Variants in BICDL1 observed in about 807,000 individuals in gnomAD.
BICDL1 encodes the protein BICD family like cargo adaptor 1, also known as BICD family-like cargo adapter 1.
Under a neutral mutation model 76.8 loss-of-function variants are expected in BICDL1, and 20 were observed. That is an observed-to-expected ratio of 0.26 (90% CI 0.18 to 0.38). The LOEUF (loss-of-function observed/expected upper bound fraction) is 0.38, where lower values mean the gene tolerates loss of function less well. BICDL1 is among the 10% of genes least tolerant of loss of function. The pLI is 1.00. For synonymous variants in BICDL1, 383 were observed against 337.1 expected, an observed-to-expected ratio of 1.14 and a Z score of -1.49; for missense variants, 700 against 798.6, an observed-to-expected ratio of 0.88 and a Z score of 1.49.
chr12:120,045,680 G>A (rs1179702332), intron 2 of BICDL1, among the ~76,000 whole-genome samples: 4 of 148,998 alleles, frequency 2.7e-5, no homozygotes, highest in Admixed American at 6.8e-5. Context: ...CAAAAAACCA[G>A]ACACCGCATA....
intron 2 of BICDL1, among the ~76,000 whole-genome samples, chr12:120,049,078 A>G (rs1473769438): frequency 2.0e-5 from 3 of 152,220 alleles, no homozygotes; most frequent in Non-Finnish European, 4.4e-5. Flanking sequence ...AAGGACTCAT[A>G]AGAAGATAAC....
intron 2 of BICDL1, among the ~76,000 whole-genome samples, chr12:120,044,658 T>C (rs2138823663): frequency 6.6e-6 from 1 of 152,348 alleles, no homozygotes; most frequent in Admixed American, 6.5e-5. Flanking sequence ...ATTTATTAAA[T>C]AGGGAATCCT....
chr12:120,007,698 G>T (rs1257527013), intron 2 of BICDL1, among the ~76,000 whole-genome samples: 2 of 152,158 alleles, frequency 1.3e-5, no homozygotes, highest in African/African-American at 4.8e-5. Context: ...ACAGATCCTT[G>T]TTCTTTAAAC....
At chr12:120,089,034 T>C (rs1434358830) in intron 8 of BICDL1, among the ~76,000 whole-genome samples, 3 of 152,122 alleles carry the variant, frequency 2.0e-5, no homozygotes, top group Non-Finnish European at 4.4e-5. Flanking sequence ...TCTGACTAGC[T>C]AAGCTATAGT....
intron 2 of BICDL1, among the ~76,000 whole-genome samples, chr12:120,035,186 AT>A (rs1206670828): frequency 6.6e-6 from 1 of 152,138 alleles, no homozygotes; most frequent in East Asian, 1.9e-4. Context: ...AAATACAAAA[AT>A]TAGCCGGGTG....
Position 120,016,769 on chromosome 12 carries a change from T to A in BICDL1, c.645+18033T>A, listed in dbSNP as rs1457550734. ...CCAAACTTATTTTCAAAGAAGCTTG[T>A]ACCAGTTTATATTCCTACCAACAAT... On this transcript the variant is annotated intron_variant, in intron 2 of 9. Coordinates refer to ENST00000548673, the MANE Select transcript of BICDL1 (RefSeq NM_001367886.1). 2.6e-5 allele frequency among the ~76,000 whole-genome samples: 4 copies of A among 152,016 alleles called. No individual in the cohort carries two copies. The East Asian group carries it at 7.7e-4, about 29-fold the overall frequency.
intron 2 of BICDL1, among the ~76,000 whole-genome samples, chr12:120,042,746 A>G (rs1394793641): frequency 2.6e-5 from 4 of 151,420 alleles, no homozygotes; most frequent in Non-Finnish European, 5.9e-5. Context: ...CGAAGGTTGC[A>G]GTGAGCCGAG....
chr12:120,091,519 G>A, intron 9 of BICDL1: 1 of 983,226 alleles, frequency 1.0e-6, no homozygotes, highest in Non-Finnish European at 1.2e-6. Context: ...TTATAAGGAG[G>A]GACCGTGTGT....
At chr12:119,994,114 A>G (rs1951586023) in intron 1 of BICDL1, among the ~76,000 whole-genome samples, 1 of 151,942 alleles carries the variant, frequency 6.6e-6, no homozygotes, top group Non-Finnish European at 1.5e-5. Flanking sequence ...CCTTTTTTCC[A>G]TCATGGCTGA....
intron 2 of BICDL1, among the ~76,000 whole-genome samples, chr12:120,026,620 A>G (rs1256024858): frequency 6.6e-6 from 1 of 152,220 alleles, no homozygotes; most frequent in Non-Finnish European, 1.5e-5. Flanking sequence ...TACACTAATG[A>G]TGGAGGCAAA....
At position 120,068,052 on chromosome 12, in the gene BICDL1, C is replaced by T. The variant is rs376721260; in HGVS notation, c.909+3173C>T. Among the ~76,000 whole-genome samples the T allele has an allele frequency of 5.3e-5, 8 of 152,302 alleles. No individual in the cohort carries two copies. The South Asian group carries it at 1.2e-3, about 24-fold the overall frequency. ...CACTGGTGCCATTAGCCAATCATTT[C>T]GAAGTACTGACGGTGAAGGTGAGGC... On this transcript the variant is annotated intron_variant, in intron 4 of 9. Coordinates refer to ENST00000548673, the MANE Select transcript of BICDL1 (RefSeq NM_001367886.1).
At chr12:120,077,414 G>A (rs1283346561) in intron 7 of BICDL1, among the ~76,000 whole-genome samples, 1 of 152,082 alleles carries the variant, frequency 6.6e-6, no homozygotes, top group Non-Finnish European at 1.5e-5. Flanking sequence ...TCTGGTGTGT[G>A]TGGAGCAGCT....
intron 2 of BICDL1, among the ~76,000 whole-genome samples, chr12:120,027,153 C>T (rs7964301): frequency 0.086 from 12,935 of 151,000 alleles, 662 homozygotes; most frequent in African/African-American, 0.14. Flanking sequence ...GCCTCAGCCT[C>T]CCGAGTAGCT....
intron 2 of BICDL1, among the ~76,000 whole-genome samples, chr12:120,025,950 G>A (rs956206806): frequency 1.3e-5 from 2 of 152,010 alleles, no homozygotes; most frequent in African/African-American, 2.4e-5. Context: ...TGATTCTGCT[G>A]CCTCAGCCTC....
chr12:120,054,182 C>T (rs924108070), intron 2 of BICDL1, among the ~76,000 whole-genome samples: 4 of 151,892 alleles, frequency 2.6e-5, no homozygotes, highest in Non-Finnish European at 5.9e-5. Flanking sequence ...AAGCTATTCT[C>T]CTGCCTCAGC....
intron 7 of BICDL1, among the ~76,000 whole-genome samples, chr12:120,075,911 C>T (rs899867470): frequency 3.3e-5 from 5 of 152,230 alleles, no homozygotes; most frequent in Non-Finnish European, 1.5e-5. Flanking sequence ...GTAATCCCAG[C>T]CCTTTGGGAG....
In BICDL1 at chr12:120,093,429, G is replaced by A. The variant is rs2139037896; in HGVS notation, c.*268G>A. On this transcript the variant is annotated 3_prime_UTR_variant, in exon 10 of 10. Transcript: ENST00000548673. ...CTCCAGGACCACGTGCTTGAGCAGG[G>A]TTAGGCCACCTCCCAGAGGGGCCCC... is the stretch of plus-strand genomic sequence containing the variant. 2.1e-6 allele frequency: 1 copy of A among 473,194 alleles called. No homozygotes were observed. The highest frequency in any genetic ancestry group is 3.6e-5 in the Admixed American group (1 of 27,862). 29.3% of individuals were successfully genotyped at this position (473,194 alleles called of 1,614,324 possible). A position where few individuals can be genotyped will look rare whatever the true frequency, so the allele number is the denominator to read the frequency against.
chr12:120,003,289 GACTGTAAA>G (rs1951793960), intron 2 of BICDL1, among the ~76,000 whole-genome samples: 1 of 152,186 alleles, frequency 6.6e-6, no homozygotes, highest in Non-Finnish European at 1.5e-5. Context: ...AATACTGTTA[GACTGTAAA>G]CTCTATGAGA....
At chr12:120,005,067 G>C (rs1951826177) in intron 2 of BICDL1, among the ~76,000 whole-genome samples, 1 of 152,102 alleles carries the variant, frequency 6.6e-6, no homozygotes, top group African/African-American at 2.4e-5. Flanking sequence ...CAGGTGATCT[G>C]CCCACCTCGG....
Sources: gnomAD v4.1 joint callset for allele counts (sites outside exome capture counted in the v4.1 genomes callset) on GRCh38, gnomAD v4.1.1 for gene constraint, MANE v1.5 for transcripts, NCBI Gene and HGNC (gene_info 2026-07-23, HGNC 2026-07-21) for gene names.